The following TENM3 variants were observed in gnomAD, a reference collection of about 807,000 sequenced individuals.
TENM3 encodes teneurin-3.
TENM3 carries 63 observed loss-of-function variants against 255.1 expected under a neutral mutation model. That is an observed-to-expected ratio of 0.25 (90% CI 0.20 to 0.30). The LOEUF (loss-of-function observed/expected upper bound fraction) is 0.30. TENM3 is among the 10% of genes least tolerant of loss of function. The probability of loss-of-function intolerance (pLI) is 1.00; values close to 1 mark genes in which losing one functional copy is unlikely to be tolerated. For synonymous variants in TENM3, 1,306 were observed against 1,322.3 expected (o/e 0.99, Z 0.27); for missense variants, 2,929 against 3,461.1 (o/e 0.85, Z 3.86).
the TENM3 span, among the ~76,000 whole-genome samples, chr4:182,084,699 GA>G: frequency 6.6e-6 from 1 of 152,126 alleles, no homozygotes; most frequent in Non-Finnish European, 1.5e-5. Flanking sequence ...AAAAAATGAA[GA>G]ATGTACTTAA....
At chr4:181,895,020 C>T in the TENM3 span, among the ~76,000 whole-genome samples, 1 of 151,970 alleles carries the variant, frequency 6.6e-6, no homozygotes, top group South Asian at 2.1e-4. Flanking sequence ...GTCAATCCGC[C>T]ATAGTTATTT....
chr4:182,063,926 T>C, the TENM3 span, among the ~76,000 whole-genome samples: 67 of 152,236 alleles, frequency 4.4e-4, no homozygotes, highest in African/African-American at 1.5e-3. Flanking sequence ...AAGGCATTCA[T>C]GGAGTTGGCA....
At chr4:182,146,173 A>G (rs1749952952) in intron 1 of TENM3, among the ~76,000 whole-genome samples, 1 of 152,216 alleles carries the variant, frequency 6.6e-6, no homozygotes, top group Non-Finnish European at 1.5e-5. Context: ...ATCTATTTTA[A>G]TATTTCAATT....
At chr4:181,540,172 G>A in the TENM3 span, among the ~76,000 whole-genome samples, 4 of 152,118 alleles carry the variant, frequency 2.6e-5, no homozygotes, top group African/African-American at 9.7e-5. Flanking sequence ...GCCTATTACA[G>A]GAGCCAACTG....
intron 1 of TENM3, among the ~76,000 whole-genome samples, chr4:182,235,083 A>G (rs1212764937): frequency 6.6e-6 from 1 of 152,192 alleles, no homozygotes; most frequent in Non-Finnish European, 1.5e-5. Flanking sequence ...ACCACTCCTC[A>G]GTATTCCCCC....
intron 3 of TENM3, among the ~76,000 whole-genome samples, chr4:182,364,646 C>G (rs1766288191): frequency 6.6e-6 from 1 of 152,156 alleles, no homozygotes; most frequent in Non-Finnish European, 1.5e-5. Flanking sequence ...GTCTCAACCT[C>G]CTGACCTCGT....
chr4:182,560,885 T>C (rs1743094940), intron 3 of TENM3, among the ~76,000 whole-genome samples: 1 of 152,222 alleles, frequency 6.6e-6, no homozygotes, highest in African/African-American at 2.4e-5. Context: ...ACAAATGTTT[T>C]AGAGATAGTC....
chr4:182,519,730 C>G (rs1376524478), intron 3 of TENM3, among the ~76,000 whole-genome samples: 1 of 152,034 alleles, frequency 6.6e-6, no homozygotes, highest in Non-Finnish European at 1.5e-5. Flanking sequence ...TTACATAATC[C>G]AAAGTATTGA....
the TENM3 span, among the ~76,000 whole-genome samples, chr4:182,108,674 G>T: frequency 0.99 from 151,430 of 152,244 alleles, 75,320 homozygotes; most frequent in East Asian, 1. Context: ...AGTCCGAAGA[G>T]GATAATTCCA....
chr4:181,570,171 G>T, the TENM3 span, among the ~76,000 whole-genome samples: 1 of 149,510 alleles, frequency 6.7e-6, no homozygotes, highest in African/African-American at 2.5e-5. Context: ...TCAGCCTCCC[G>T]AGTAGCTGGG....
chr4:181,449,690 G>A, the TENM3 span, among the ~76,000 whole-genome samples: 1 of 152,166 alleles, frequency 6.6e-6, no homozygotes, highest in African/African-American at 2.4e-5. Context: ...AGGAGGCTGA[G>A]GCAGGAGCAT....
chr4:181,599,486 T>C, the TENM3 span, among the ~76,000 whole-genome samples: 2 of 152,206 alleles, frequency 1.3e-5, no homozygotes, highest in Non-Finnish European at 2.9e-5. Flanking sequence ...AGAGAGACAC[T>C]GAACACAACT....
At chr4:181,451,787 A>G in the TENM3 span, among the ~76,000 whole-genome samples, 8 of 152,228 alleles carry the variant, frequency 5.3e-5, no homozygotes, top group Non-Finnish European at 1.2e-4. Flanking sequence ...TCCTGAAAAA[A>G]GTTCTGTTTG....
the TENM3 span, among the ~76,000 whole-genome samples, chr4:181,900,752 T>G: frequency 6.6e-5 from 10 of 152,238 alleles, no homozygotes; most frequent in East Asian, 1.9e-3. Flanking sequence ...CCTCCGTGAT[T>G]TCACCACAGG....
intron 1 of TENM3, among the ~76,000 whole-genome samples, chr4:182,234,569 C>T (rs1232442651): frequency 6.6e-6 from 1 of 152,034 alleles, no homozygotes; most frequent in Non-Finnish European, 1.5e-5. Context: ...AACATCTCTA[C>T]TAAAATACAA....
intron 22 of TENM3, among the ~76,000 whole-genome samples, chr4:182,757,389 T>TG (rs1762823554): frequency 7.1e-6 from 1 of 139,870 alleles, no homozygotes; most frequent in Admixed American, 7.2e-5. Flanking sequence ...TAGTTGAAAG[T>TG]GGGGGAAACA....
the TENM3 span, among the ~76,000 whole-genome samples, chr4:181,471,263 A>G: frequency 3.9e-5 from 6 of 152,246 alleles, no homozygotes; most frequent in Non-Finnish European, 5.9e-5. Flanking sequence ...GGCTTCAACC[A>G]TTAGAGGATA....
chr4:181,490,287 T>G, the TENM3 span, among the ~76,000 whole-genome samples: 1 of 152,358 alleles, frequency 6.6e-6, no homozygotes, highest in South Asian at 2.1e-4. Flanking sequence ...GGGAATATTT[T>G]TAATGTCTAC....
the TENM3 span, among the ~76,000 whole-genome samples, chr4:181,801,907 C>T: frequency 6.6e-6 from 1 of 151,794 alleles, no homozygotes; most frequent in African/African-American, 2.4e-5. Context: ...GAACTTTGTC[C>T]TTGTTCATAT....
Sources: allele counts gnomAD v4.1 joint callset (sites outside exome capture counted in the v4.1 genomes callset), GRCh38; gene constraint gnomAD v4.1.1; transcripts MANE v1.5; gene names NCBI Gene and HGNC (gene_info 2026-07-23, HGNC 2026-07-21).